The following ERC2 variants were observed in gnomAD, a reference collection of about 807,000 sequenced individuals.
ERC2 encodes ELKS/RAB6-interacting/CAST family member 2.
ERC2 carries 42 observed loss-of-function variants against 114.8 expected under a neutral mutation model. That is an observed-to-expected ratio of 0.37 (90% confidence interval 0.29 to 0.47). The LOEUF (loss-of-function observed/expected upper bound fraction) is 0.47. Ranked by LOEUF, ERC2 falls within the 20% of genes least tolerant of loss-of-function variation. ERC2 has a pLI of 0.99. For synonymous variants in ERC2, 454 were observed against 425.5 expected (o/e 1.07, Z -0.82); for missense variants, 939 against 1,150.7 (o/e 0.82, Z 2.66).
intron 3 of ERC2, among the ~76,000 whole-genome samples, chr3:56,237,889 T>TC (rs1223448567): frequency 3.6e-5 from 2 of 55,444 alleles, no homozygotes; most frequent in African/African-American, 1.0e-4. Flanking sequence ...TTCTATTTTT[T>TC]CCTTTTTTTT....
At chr3:55,982,834 T>G (rs897964) in intron 12 of ERC2, among the ~76,000 whole-genome samples, 107,159 of 152,136 alleles carry the variant, frequency 0.7, 37,865 homozygotes, top group East Asian at 0.83. Context: ...GACCTCTGAG[T>G]TCTGGGAGGA....
At chr3:56,128,321 G>A (rs2080005782) in intron 6 of ERC2, among the ~76,000 whole-genome samples, 1 of 152,054 alleles carries the variant, frequency 6.6e-6, no homozygotes, top group Middle Eastern at 3.2e-3. Context: ...TCATATTATG[G>A]GTAGTAATGT....
At chr3:55,667,203 G>A (rs1171231667) in intron 17 of ERC2, among the ~76,000 whole-genome samples, 2 of 152,130 alleles carry the variant, frequency 1.3e-5, no homozygotes, top group Non-Finnish European at 2.9e-5. Context: ...ATTGATCTCA[G>A]GGCCACATAC....
chr3:55,914,039 AAC>A (rs1279790097), intron 13 of ERC2, among the ~76,000 whole-genome samples: 1 of 152,132 alleles, frequency 6.6e-6, no homozygotes, highest in Non-Finnish European at 1.5e-5. Flanking sequence ...TTTTAAAGAT[AAC>A]ACAGCCCAGC....
chr3:56,029,057 CA>C (rs1260051227), intron 7 of ERC2, among the ~76,000 whole-genome samples: 2 of 151,970 alleles, frequency 1.3e-5, no homozygotes, highest in East Asian at 3.9e-4. Context: ...TTAATTAACA[CA>C]TTTTTTTCAT....
intron 13 of ERC2, among the ~76,000 whole-genome samples, chr3:55,895,508 T>A (rs1432994179): frequency 6.6e-6 from 1 of 152,170 alleles, no homozygotes; most frequent in Non-Finnish European, 1.5e-5. Flanking sequence ...CACATGCCCA[T>A]TCCTAGCCTC....
chr3:55,681,683 G>A (rs1275389342), intron 17 of ERC2, among the ~76,000 whole-genome samples: 3 of 152,206 alleles, frequency 2.0e-5, no homozygotes, highest in African/African-American at 7.2e-5. Flanking sequence ...GCATACTAAA[G>A]TAGGATTATA....
intron 17 of ERC2, among the ~76,000 whole-genome samples, chr3:55,520,231 T>C (rs2052819328): frequency 6.6e-6 from 1 of 151,632 alleles, no homozygotes. Context: ...GGGGGACAGA[T>C]GGCCTGAGAG....
chr3:55,806,152 T>C (rs1297196018), intron 14 of ERC2, among the ~76,000 whole-genome samples: 2 of 151,928 alleles, frequency 1.3e-5, no homozygotes, highest in Non-Finnish European at 2.9e-5. Flanking sequence ...CTGACCAACA[T>C]GGTGAAACCC....
intron 6 of ERC2, among the ~76,000 whole-genome samples, chr3:56,134,377 G>T (rs774735892): frequency 1.3e-5 from 2 of 152,156 alleles, no homozygotes; most frequent in Non-Finnish European, 2.9e-5. Flanking sequence ...TTTGCTCAAT[G>T]ATAGCAGAAA....
chr3:56,161,151 C>T (rs1345214519), intron 4 of ERC2, among the ~76,000 whole-genome samples: 1 of 152,136 alleles, frequency 6.6e-6, no homozygotes, highest in Admixed American at 6.6e-5. Context: ...GCCCTCCTCC[C>T]AGTTCTTGCT....
In ERC2 at chr3:56,102,174, C is replaced by A. The variant is rs9862097; in HGVS notation, c.1474-21190G>T. 2.0e-5 allele frequency among the ~76,000 whole-genome samples: 3 copies of A among 152,180 alleles called. No individual in the cohort carries two copies. The East Asian group carries it at 5.8e-4, about 29-fold the overall frequency. Reference sequence around the variant, plus strand: ...AAATCAAATGCAAATGGAGGTCAGGCGAGTGACACAAGCGCTCCCTCCAGC... The same window carrying A: ...AAATCAAATGCAAATGGAGGTCAGGAGAGTGACACAAGCGCTCCCTCCAGC... On this transcript the variant is annotated intron_variant, in intron 6 of 17. Transcript: ENST00000288221.
intron 6 of ERC2, among the ~76,000 whole-genome samples, chr3:56,095,936 C>T (rs2078040012): frequency 6.6e-6 from 1 of 152,264 alleles, no homozygotes; most frequent in Non-Finnish European, 1.5e-5. Flanking sequence ...CAAGTCGGAG[C>T]TCTTGACTCC....
At chr3:56,046,702 A>C (rs1157598924) in intron 7 of ERC2, among the ~76,000 whole-genome samples, 2 of 152,220 alleles carry the variant, frequency 1.3e-5, no homozygotes, top group Non-Finnish European at 2.9e-5. Context: ...TTCCTGGCAA[A>C]AGAACTTCAT....
At chr3:56,197,419 G>A (rs529404177) in intron 3 of ERC2, among the ~76,000 whole-genome samples, 1 of 152,292 alleles carries the variant, frequency 6.6e-6, no homozygotes, top group African/African-American at 2.4e-5. Context: ...GGGTTTTATA[G>A]GCCAAGCCTG....
rs190320618 is a variant in ERC2 at position 56,409,092 on chromosome 3, G to A, written c.657+25259C>T. Among the ~76,000 whole-genome samples the A allele has an allele frequency of 1.5e-3, 231 of 152,300 alleles. 1 individual carries two copies. The highest frequency in any genetic ancestry group is 5.2e-3 in the African/African-American group (215 of 41,570). On this transcript the variant is annotated intron_variant, in intron 2 of 17. Transcript: ENST00000288221. ...TCCTGGAGGCCTGCGGCTCCCGTGA[G>A]GCACCATGCCTGCTCGCTCACTGGG...
intron 15 of ERC2, among the ~76,000 whole-genome samples, chr3:55,721,746 G>C (rs2064567380): frequency 6.6e-6 from 1 of 152,188 alleles, no homozygotes; most frequent in African/African-American, 2.4e-5. Flanking sequence ...GGTGGCCTTT[G>C]CATCAGACAT....
At chr3:55,563,165 A>G (rs925702026) in intron 17 of ERC2, among the ~76,000 whole-genome samples, 5 of 152,162 alleles carry the variant, frequency 3.3e-5, no homozygotes, top group Non-Finnish European at 1.5e-5. Flanking sequence ...TGCTGTTTGG[A>G]AGGCTGAGCT....
chr3:55,874,751 A>G (rs1172300972), intron 14 of ERC2, among the ~76,000 whole-genome samples: 1 of 152,058 alleles, frequency 6.6e-6, no homozygotes, highest in Non-Finnish European at 1.5e-5. Context: ...AATGAAAGAA[A>G]TGAGACCTTG....
Sources: gnomAD v4.1 joint callset for allele counts (sites outside exome capture counted in the v4.1 genomes callset) on GRCh38, gnomAD v4.1.1 for gene constraint, MANE v1.5 for transcripts, NCBI Gene and HGNC (gene_info 2026-07-23, HGNC 2026-07-21) for gene names.